Variants in SEC22C observed in about 807,000 individuals in gnomAD.
SEC22C encodes SEC22 homolog C, vesicle trafficking protein.
SEC22C carries 29 observed loss-of-function variants against 34.7 expected under a neutral mutation model. The ratio of observed to expected loss-of-function variants is 0.84; its 90% confidence interval spans 0.62 to 1.14. The LOEUF (loss-of-function observed/expected upper bound fraction) is 1.14, where lower values mean the gene tolerates loss of function less well. SEC22C is among the 50% of genes most tolerant of loss of function. The pLI is 0.00. For missense variants in SEC22C, 337 were observed against 369.0 expected (o/e 0.91, Z 0.71); for synonymous variants, 117 against 132.8 (o/e 0.88, Z 0.82).
chr3:42,550,450 TGG>T lies in SEC22C; in HGVS notation c.*2796_*2797del, dbSNP rs1702193237. ...CCCTGAACCAAGTCAAACCTAAGCC[TGG>T]GGATTTCCCTCGGATGAAATCACCA... On this transcript the variant is annotated 3_prime_UTR_variant, in exon 7 of 7. Coordinates refer to ENST00000264454, the MANE Select transcript of SEC22C (RefSeq NM_032970.4). 1 of 985,352 alleles carries T rather than the reference TGG, an allele frequency of 1.0e-6. No individual in the cohort carries two copies. The highest frequency in any genetic ancestry group is 1.2e-6 in the Non-Finnish European group (1 of 829,954). The allele number at this position is 985,352 out of a possible 1,614,324, so 61.0% of individuals were successfully genotyped here.
intron 1 of SEC22C, among the ~76,000 whole-genome samples, chr3:42,571,743 C>T (rs60232916): frequency 0.17 from 26,539 of 152,208 alleles, 2,835 homozygotes; most frequent in African/African-American, 0.3. Context: ...TGAACTTCTG[C>T]TTCTGGAAAG....
At chr3:42,582,484 T>G (rs964212134), upstream of SEC22C, among the ~76,000 whole-genome samples, 3 of 152,240 alleles carry the variant, frequency 2.0e-5, no homozygotes, top group African/African-American at 7.2e-5. Context: ...CACCCACAGA[T>G]GGATGACTGG....
intron 5 of SEC22C, among the ~76,000 whole-genome samples, chr3:42,556,958 T>C (rs558518599): frequency 1.3e-4 from 20 of 152,248 alleles, no homozygotes; most frequent in Non-Finnish European, 2.4e-4. Context: ...CCTGACCTCA[T>C]GTGATCCACC....
chr3:42,600,404 G>C (rs796405012), intron 1 of SEC22C: 9 of 152,270 alleles, frequency 5.9e-5, no homozygotes, highest in African/African-American at 2.2e-4. Context: ...GGCGCTCACA[G>C]CCACACCTGA....
At chr3:42,590,808 G>A in intron 1 of SEC22C, 2 of 1,342,370 alleles carry the variant, frequency 1.5e-6, no homozygotes, top group South Asian at 1.2e-5. Context: ...CCGCCCTGTA[G>A]GCGGGAGCAT....
In SEC22C at chr3:42,568,928, A is replaced by C. The variant is rs1456109241; in HGVS notation, c.119T>G (p.Leu40Ter). 3.1e-6 allele frequency: 5 copies of C among 1,614,216 alleles called. No homozygotes were observed. Among genetic ancestry groups the C allele is most frequent in the Non-Finnish European group, 2.5e-6 (3 of 1,180,034 alleles). ...FLEWRRRLKS[L>*]ALRLAQYPGR... Reference sequence around the variant, plus strand: ...TGGATACTGGGCCAGTCGCAAGGCTAAACTCTTGAGCCGTCTCCTCCATTC... The same window carrying C: ...TGGATACTGGGCCAGTCGCAAGGCTCAACTCTTGAGCCGTCTCCTCCATTC... Residue 40 changes from leucine (L) to a stop codon, truncating the protein, a stop_gained, in exon 2 of 7, where the codon TTA (leucine) becomes TGA (stop). Coordinates refer to ENST00000264454, the MANE Select transcript of SEC22C (RefSeq NM_032970.4). LOFTEE classifies it high-confidence loss of function.
chr3:42,588,824 T>C (rs1425176887), intron 1 of SEC22C, among the ~76,000 whole-genome samples: 2 of 152,146 alleles, frequency 1.3e-5, no homozygotes, highest in African/African-American at 4.8e-5. Context: ...CTGCCCACTC[T>C]GTGTCTCTGA....
chr3:42,573,552 G>A (rs1577340486), intron 1 of SEC22C: 8 of 152,284 alleles, frequency 5.3e-5, no homozygotes, highest in Admixed American at 5.2e-4. Flanking sequence ...ACAAAACTGA[G>A]GCCAGGTGCA....
intron 1 of SEC22C, chr3:42,590,662 C>T (rs1704788853): frequency 1.7e-6 from 1 of 597,532 alleles, no homozygotes; most frequent in Non-Finnish European, 3.0e-6. Flanking sequence ...CCAGCCCCAA[C>T]CCACAAGTTT....
rs1160568358 is a variant in SEC22C, at chr3:42,557,579, T to G, written c.644A>C (p.Gln215Pro). 6.8e-7 allele frequency: 1 copy of G among 1,467,378 alleles called. No homozygotes were observed. The highest frequency in any genetic ancestry group is 9.3e-7 in the Non-Finnish European group (1 of 1,074,328). 90.9% of individuals were successfully genotyped at this position (1,467,378 alleles called of 1,614,324 possible). A position where few individuals can be genotyped will look rare whatever the true frequency, so the allele number is the denominator to read the frequency against. The change falls in exon 5 of 7, where the codon CAG (glutamine) becomes CCG (proline). Residue 215 changes from glutamine to proline, a missense_variant and splice_region_variant. By Grantham distance (76) the Gln-to-Pro change is moderately conservative (BLOSUM62 -1). Transcript: ENST00000264454. Reference protein sequence around the residue: ...RGVHLAEHSLQVAHEEIGNIL... With the variant: ...RGVHLAEHSLPVAHEEIGNIL... The stretch of plus-strand genomic sequence containing the variant: ...TTTTAAAAAAAAAAAAAAGGTTACC[T>G]GTAAAGAATGTTCTGCAAGGTGAAC...
chr3:42,583,082 G>A (rs917314661), upstream of SEC22C, among the ~76,000 whole-genome samples: 1 of 152,226 alleles, frequency 6.6e-6, no homozygotes, highest in Non-Finnish European at 1.5e-5. Context: ...CCACTAGAGC[G>A]AATAGAAGGG....
chr3:42,569,632 T>C (rs930434850), intron 1 of SEC22C, among the ~76,000 whole-genome samples: 2 of 152,170 alleles, frequency 1.3e-5, no homozygotes, highest in African/African-American at 4.8e-5. Context: ...AAGGCAAAAA[T>C]GAAACCTCTA....
chr3:42,557,360 A>G (rs1354923726), intron 5 of SEC22C, among the ~76,000 whole-genome samples: 2 of 152,182 alleles, frequency 1.3e-5, no homozygotes, highest in Non-Finnish European at 2.9e-5. Flanking sequence ...TTTCTTACCA[A>G]TATCTTGGCA....
In SEC22C at chr3:42,551,443, G is replaced by T. The variant is rs1702252948; in HGVS notation, c.*1805C>A. The T allele has an allele frequency of 1.5e-6, 1 of 684,864 alleles. No homozygotes were observed. Among genetic ancestry groups the T allele is most frequent in the Non-Finnish European group, 1.8e-6 (1 of 555,576 alleles). The allele number at this position is 684,864 out of a possible 1,614,324, so 42.4% of individuals were successfully genotyped here. A position where few individuals can be genotyped will look rare whatever the true frequency, so the allele number is the denominator to read the frequency against. On this transcript the variant is annotated 3_prime_UTR_variant, in exon 7 of 7. Transcript: ENST00000264454. The stretch of plus-strand genomic sequence containing the variant: ...GGAAGCCTCAAACTCCTGGACTCAA[G>T]GGATCCTCCTGCCTCAGACTCCCAA...
chr3:42,568,015 T>G (rs9843240), intron 2 of SEC22C, among the ~76,000 whole-genome samples: 1 of 152,042 alleles, frequency 6.6e-6, no homozygotes, highest in Non-Finnish European at 1.5e-5. Flanking sequence ...GAGGTTGCAG[T>G]GTGCAGAGAG....
chr3:42,558,096 G>A (rs6797545), intron 4 of SEC22C, among the ~76,000 whole-genome samples: 20,864 of 152,178 alleles, frequency 0.14, 1,823 homozygotes, highest in African/African-American at 0.24. Context: ...ATAGAGGCCA[G>A]GAATGCTTCT....
intron 1 of SEC22C, among the ~76,000 whole-genome samples, chr3:42,570,931 AT>A (rs1703586873): frequency 6.6e-6 from 1 of 152,218 alleles, no homozygotes. Context: ...ATATGAAGAC[AT>A]TGAGGCCAAA....
chr3:42,560,381 A>G (rs896573582), intron 4 of SEC22C, among the ~76,000 whole-genome samples: 3 of 151,088 alleles, frequency 2.0e-5, no homozygotes, highest in Admixed American at 1.3e-4. Flanking sequence ...TTAAGAAAAT[A>G]ACCTGCCAGC....
rs540313689 is a variant in SEC22C at position 42,569,040 on chromosome 3, C to T, written c.7G>A (p.Val3Met). The change falls in exon 2 of 7, where the codon GTG becomes ATG. Residue 3 changes from valine (V) to methionine (M), a missense_variant. Physicochemically the swap from Val to Met is conservative, Grantham distance 21 (BLOSUM62 1). Transcript: ENST00000264454. ...CGTACCACGCAGGCAAAAAAGATCA[C>T]GGACATGGTCCACAAGAGAAGTCAT... MS[V>M]IFFACVVRVR... 2.0e-5 allele frequency: 33 copies of T among 1,613,496 alleles called. No individual in the cohort carries two copies. The highest frequency in any genetic ancestry group is 6.6e-5 in the South Asian group (6 of 91,006).
Sources: allele counts gnomAD v4.1 joint callset (sites outside exome capture counted in the v4.1 genomes callset), GRCh38; gene constraint gnomAD v4.1.1; transcripts MANE v1.5; gene names NCBI Gene and HGNC (gene_info 2026-07-23, HGNC 2026-07-21).